The following CHD8 variants were observed in gnomAD, a reference collection of about 807,000 sequenced individuals.
CHD8 encodes the protein ATP-dependent chromatin remodeler CHD8.
A neutral mutation model predicts 279.2 loss-of-function variants in CHD8; 31 were observed. That is an observed-to-expected ratio of 0.11 (90% CI 0.08 to 0.15). CHD8 has a LOEUF of 0.15. CHD8 is among the 10% of genes least tolerant of loss of function. The pLI is 1.00. For missense variants in CHD8, 2,146 were observed against 3,230.5 expected (o/e 0.66, Z 8.14); for synonymous variants, 1,081 against 1,139.6 (o/e 0.95, Z 1.04).
intron 1 of CHD8, chr14:21,436,891 G>T (rs1256189014): frequency 8.1e-6 from 10 of 1,241,928 alleles, no homozygotes; most frequent in East Asian, 5.6e-5. Flanking sequence ...GGGGGACCCG[G>T]GTACATTACC....
intron 37 of CHD8, among the ~76,000 whole-genome samples, chr14:21,390,238 A>G (rs865813296): frequency 4.6e-5 from 7 of 152,300 alleles, no homozygotes; most frequent in Middle Eastern, 3.4e-3. Context: ...CATGTCTCAA[A>G]AAAACAGAAA....
At chr14:21,446,592 C>T (rs201697914) in intron 1 of CHD8, among the ~76,000 whole-genome samples, 6 of 152,296 alleles carry the variant, frequency 3.9e-5, no homozygotes, top group East Asian at 1.9e-4. Context: ...ATTACTTTGG[C>T]GTGAGCCACA....
chr14:21,399,341 G>A (rs1278152281), intron 26 of CHD8: 22 of 447,916 alleles, frequency 4.9e-5, no homozygotes, highest in African/African-American at 7.9e-5. Context: ...CATACAGTGC[G>A]GTAACACACT....
intron 1 of CHD8, among the ~76,000 whole-genome samples, chr14:21,451,859 C>T (rs145430034): frequency 2.0e-3 from 297 of 152,084 alleles, no homozygotes; most frequent in African/African-American, 6.7e-3. Context: ...TAATGAGAAA[C>T]GTCAGAGATT....
intron 1 of CHD8, among the ~76,000 whole-genome samples, chr14:21,443,651 G>A (rs938853501): frequency 1.1e-4 from 16 of 151,914 alleles, no homozygotes; most frequent in African/African-American, 3.9e-4. Flanking sequence ...TCAGGAGATC[G>A]AGACCATCCT....
At position 21,405,490 on chromosome 14, in the gene CHD8, TAAATC is replaced by T. The variant is rs1287456960; in HGVS notation, c.3052-31_3052-27del. On this transcript the variant is annotated intron_variant, in intron 15 of 37. Coordinates refer to ENST00000646647, the MANE Select transcript of CHD8 (RefSeq NM_001170629.2). The surrounding 1 kb of genome is among the most constrained non-coding windows in gnomAD (Gnocchi z 4.2). ...CTGTGGTCCATTACAGAGAGAAAAA[TAAATC>T]AATAAGATGAGGGCGAACATTCTCA... The T allele has an allele frequency of 6.9e-6, 11 of 1,592,072 alleles. No homozygotes were observed. Among genetic ancestry groups the T allele is most frequent in the Middle Eastern group, 3.3e-4 (2 of 6,008 alleles).
intron 1 of CHD8, among the ~76,000 whole-genome samples, chr14:21,436,553 T>C (rs927309256): frequency 6.6e-6 from 1 of 152,164 alleles, no homozygotes; most frequent in African/African-American, 2.4e-5. Context: ...ATTTCCTAAG[T>C]AGATCAAGAT....
At position 21,424,303 on chromosome 14, in the gene CHD8, T is replaced by C. The variant is rs192031560; in HGVS notation, c.1716+1825A>G. Among the ~76,000 whole-genome samples the C allele has an allele frequency of 5.3e-5, 8 of 152,368 alleles. No homozygotes were observed. In the East Asian group the frequency reaches 1.2e-3, roughly 22 times the overall value. The stretch of plus-strand genomic sequence containing the variant: ...TTTTAAATGGTGTTTTAATCATATA[T>C]AGTAAATTTCCACAAGTATTTGAGT... On this transcript the variant is annotated intron_variant, in intron 5 of 37. Coordinates refer to ENST00000646647, the MANE Select transcript of CHD8 (RefSeq NM_001170629.2).
In CHD8 at chr14:21,406,861, C is replaced by T; in HGVS notation, c.2902G>A (p.Asp968Asn). The change falls in exon 14 of 38, where the codon GAC becomes AAC. Residue 968 changes from aspartate to asparagine, a missense_variant. Physicochemically the swap from Asp to Asn is conservative, Grantham distance 23. Transcript: ENST00000646647. ...CAAGTCAGTGTGGAACTCACCAGGT[C>T]CATGTGCTTGAGACTATCAAGCAGC... The part of the protein sequence containing the change: ...CKLLDSLKHM[D>N]LEHKVLLTGT... 1 of 1,612,628 alleles carries T rather than the reference C, an allele frequency of 6.2e-7. No homozygotes were observed. Among genetic ancestry groups the T allele is most frequent in the Non-Finnish European group, 8.5e-7 (1 of 1,179,284 alleles).
In CHD8 at chr14:21,394,127, T is replaced by C. The variant is rs1340891338; in HGVS notation, c.5668A>G (p.Ile1890Val). The C allele has an allele frequency of 1.9e-6, 3 of 1,612,922 alleles. No individual in the cohort carries two copies. The Admixed American group carries it at 5.0e-5, about 27-fold the overall frequency. ...TCCCGTAAGCGCCGAAGCAATTCTA[T>C]ACGGTAGAGAGTCCGTGAGGCTCTC... is the stretch of plus-strand genomic sequence containing the variant. ...EERASRTLYRIELLRRLREQV... is the reference protein window; with the variant it reads ...EERASRTLYRVELLRRLREQV... Residue 1890 changes from isoleucine (I) to valine (V), a missense_variant, in exon 32 of 38, where the codon ATA (isoleucine) becomes GTA (valine). Physicochemically the swap from Ile to Val is conservative, Grantham distance 29. This residue lies in a region of CHD8 where 513 missense variants were observed against 637.6 expected (regional missense o/e 0.80). Coordinates refer to ENST00000646647, the MANE Select transcript of CHD8 (RefSeq NM_001170629.2).
intron 1 of CHD8, among the ~76,000 whole-genome samples, chr14:21,454,396 C>T (rs1003317113): frequency 2.6e-5 from 4 of 152,144 alleles, no homozygotes; most frequent in African/African-American, 7.2e-5. Context: ...TGGCTCACTG[C>T]AATCTCCACC....
At chr14:21,437,286 C>A in intron 1 of CHD8, 1 of 1,137,854 alleles carries the variant, frequency 8.8e-7, no homozygotes, top group Non-Finnish European at 1.1e-6. Context: ...GATGCTCCTG[C>A]CCGCCCCGCG....
chr14:21,413,318 T>C (rs938301080), intron 9 of CHD8, among the ~76,000 whole-genome samples: 12 of 152,166 alleles, frequency 7.9e-5, no homozygotes, highest in African/African-American at 2.9e-4. Flanking sequence ...ATGTTCCACA[T>C]TTCACATTTT....
chr14:21,393,835 T>C lies in CHD8; in HGVS notation c.5960A>G (p.Gln1987Arg), dbSNP rs763648672. 2.5e-6 allele frequency: 4 copies of C among 1,613,882 alleles called. No homozygotes were observed. The Admixed American group carries it at 6.7e-5, about 27-fold the overall frequency. Reference sequence around the variant, plus strand: ...TGAGGCAGTGCGTGAGGTATACTGCTGGTGCAGCAGTGGAGTAGAGCAGCG... The same window carrying C: ...TGAGGCAGTGCGTGAGGTATACTGCCGGTGCAGCAGTGGAGTAGAGCAGCG... ...LSRCSTPLLH[Q>R]QYTSRTASPL... Residue 1987 changes from glutamine (Q) to arginine (R), a missense_variant, in exon 32 of 38, where the codon CAG (glutamine) becomes CGG (arginine). Physicochemically the swap from Gln to Arg is conservative, Grantham distance 43 (BLOSUM62 1). This residue lies in a region of CHD8 where 513 missense variants were observed against 637.6 expected (regional missense o/e 0.80). Coordinates refer to ENST00000646647, the MANE Select transcript of CHD8 (RefSeq NM_001170629.2).
chr14:21,408,721 G>C lies in CHD8; in HGVS notation c.2469C>G (p.Leu823=), dbSNP rs777117795. The part of the protein sequence containing the change: ...EYQLEGVNWL[L]FNWYNRQNCI... ...TCCTTTACCTGTTATACCAATTAAA[G>C]AGCAGCCAATTAACCCCTTCCAACT... The change falls in exon 12 of 38, where the codon CTC becomes CTG. Residue 823 remains leucine, a synonymous_variant. Coordinates refer to ENST00000646647, the MANE Select transcript of CHD8 (RefSeq NM_001170629.2). The surrounding 1 kb of genome is among the most constrained non-coding windows in gnomAD (Gnocchi z 4.3). 5.0e-6 allele frequency: 8 copies of C among 1,611,204 alleles called. No individual in the cohort carries two copies. The highest frequency in any genetic ancestry group is 8.5e-7 in the Non-Finnish European group (1 of 1,178,530).
chr14:21,454,402 C>T (rs759040036), intron 1 of CHD8, among the ~76,000 whole-genome samples: 1 of 152,206 alleles, frequency 6.6e-6, no homozygotes, highest in Non-Finnish European at 1.5e-5. Flanking sequence ...ACTGCAATCT[C>T]CACCTCCAGG....
chr14:21,429,236 C>T lies in CHD8; in HGVS notation c.943G>A (p.Val315Met), dbSNP rs780630636. The T allele has an allele frequency of 1.1e-5, 17 of 1,613,886 alleles. 2 individuals carry two copies. The South Asian group carries it at 1.2e-4, about 11-fold the overall frequency. ...VVLGSLPGKI[V>M]LQGNQLAALT... ...GCTGCCAGCTGGTTGCCCTGTAACA[C>T]TATCTTGCCTGGTAGACTCCCTAGC... Residue 315 changes from valine to methionine, a missense_variant, in exon 3 of 38, where the codon GTG becomes ATG. Physicochemically the swap from Val to Met is conservative, Grantham distance 21 (BLOSUM62 1). This residue lies in a region of CHD8 where 170 missense variants were observed against 189.9 expected (regional missense o/e 0.90). Coordinates refer to ENST00000646647, the MANE Select transcript of CHD8 (RefSeq NM_001170629.2).
intron 1 of CHD8, among the ~76,000 whole-genome samples, chr14:21,453,506 T>C (rs1890307341): frequency 6.6e-6 from 1 of 151,874 alleles, no homozygotes; most frequent in Non-Finnish European, 1.5e-5. Flanking sequence ...AGTCTGTCAA[T>C]GAATCAAATG....
intron 14 of CHD8, among the ~76,000 whole-genome samples, chr14:21,406,164 T>G (rs998318648): frequency 2.6e-5 from 4 of 152,196 alleles, no homozygotes; most frequent in African/African-American, 9.6e-5. Context: ...CTCTCCATAT[T>G]CAACTCCCCA....
Sources: allele counts gnomAD v4.1 joint callset (sites outside exome capture counted in the v4.1 genomes callset), GRCh38; gene constraint gnomAD v4.1.1; regional missense constraint gnomAD v4.1.1; non-coding constraint Gnocchi (gnomAD v3.1); transcripts MANE v1.5; gene names NCBI Gene and HGNC (gene_info 2026-07-23, HGNC 2026-07-21).